PTPRD: variants seen among roughly 807,000 people sequenced by gnomAD.
PTPRD encodes protein tyrosine phosphatase receptor type D, also known as receptor-type tyrosine-protein phosphatase delta.
In PTPRD, 34 loss-of-function variants were observed where a neutral mutation model predicts 214.5. That is an observed-to-expected ratio of 0.16 (90% CI 0.12 to 0.21). PTPRD has a LOEUF of 0.21. Ranked by LOEUF, PTPRD falls within the 10% of genes least tolerant of loss-of-function variation. The pLI is 1.00. For synonymous variants in PTPRD, 1,128 were observed against 845.7 expected (o/e 1.33, Z -5.79); for missense variants, 2,545 against 2,398.7 (o/e 1.06, Z -1.27).
chr9:9,296,226 C>T (rs2134387725), intron 9 of PTPRD, among the ~76,000 whole-genome samples: 1 of 151,826 alleles, frequency 6.6e-6, no homozygotes, highest in African/African-American at 2.4e-5. Context: ...TATTACAGTT[C>T]AGGTTTATAT....
chr9:9,347,955 T>C (rs1030198592), intron 9 of PTPRD, among the ~76,000 whole-genome samples: 2 of 152,156 alleles, frequency 1.3e-5, no homozygotes, highest in African/African-American at 4.8e-5. Flanking sequence ...TCAGTAGCCA[T>C]TACTGCCTAT....
intron 3 of PTPRD, among the ~76,000 whole-genome samples, chr9:10,122,595 T>C (rs542914310): frequency 6.6e-6 from 1 of 152,274 alleles, no homozygotes; most frequent in South Asian, 2.1e-4. Context: ...CGTAAGTATA[T>C]CAATAAAAAC....
At chr9:8,636,974 G>T in intron 12 of PTPRD, 130 bp from the exon 13 acceptor site, 1 of 860,854 alleles carries the variant, frequency 1.2e-6, no homozygotes, top group Non-Finnish European at 1.7e-6. Context: ...ATGCACTATG[G>T]GATTACAAAA....
intron 11 of PTPRD, among the ~76,000 whole-genome samples, chr9:8,836,472 A>G (rs1266449115): frequency 1.3e-5 from 2 of 152,054 alleles, no homozygotes; most frequent in Non-Finnish European, 2.9e-5. Context: ...TATTCTAAGT[A>G]TACCAACAAA....
rs374370653 is a variant in PTPRD, at chr9:9,416,300, G to T, written c.-236-18818C>A. Reference sequence around the variant, plus strand: ...ATGGTTGGGTTTGAAATCTTTCCATGCAGTGTTATGAGTGGGTAAGTCTTG... The same window carrying T: ...ATGGTTGGGTTTGAAATCTTTCCATTCAGTGTTATGAGTGGGTAAGTCTTG... On this transcript the variant is annotated intron_variant, in intron 8 of 45. Coordinates refer to ENST00000381196, the MANE Select transcript of PTPRD (RefSeq NM_002839.4). 1.1e-4 allele frequency among the ~76,000 whole-genome samples: 16 copies of T among 152,278 alleles called. No individual in the cohort carries two copies. In the East Asian group the frequency reaches 2.7e-3, roughly 26 times the overall value.
At chr9:8,821,885 G>A (rs1408410720) in intron 11 of PTPRD, among the ~76,000 whole-genome samples, 1 of 152,032 alleles carries the variant, frequency 6.6e-6, no homozygotes, top group Non-Finnish European at 1.5e-5. Context: ...GGCTGGTATC[G>A]AACTCCTGAC....
At chr9:8,836,397 T>C (rs772609821) in intron 11 of PTPRD, among the ~76,000 whole-genome samples, 3 of 152,068 alleles carry the variant, frequency 2.0e-5, no homozygotes, top group Admixed American at 6.6e-5. Flanking sequence ...TCTTCTTGGA[T>C]TGTTTTCTCC....
chr9:8,526,474 A>C (rs1207928446), intron 17 of PTPRD, among the ~76,000 whole-genome samples, 153 bp downstream of exon 17: 1 of 152,022 alleles, frequency 6.6e-6, no homozygotes, highest in African/African-American at 2.4e-5. Context: ...TCACAATATG[A>C]GAGTCACTGA....
intron 2 of PTPRD, among the ~76,000 whole-genome samples, chr9:10,349,058 T>C (rs1367447975): frequency 6.6e-6 from 1 of 152,082 alleles, no homozygotes; most frequent in African/African-American, 2.4e-5. Context: ...GCATATCTGA[T>C]TGTTTCCTCT....
chr9:10,523,668 G>C (rs1205538256), intron 2 of PTPRD, among the ~76,000 whole-genome samples: 1 of 146,718 alleles, frequency 6.8e-6, no homozygotes, highest in Non-Finnish European at 1.5e-5. Context: ...AATAAAGAGA[G>C]AGAGAGAGAG....
intron 8 of PTPRD, among the ~76,000 whole-genome samples, chr9:9,541,785 G>C (rs1421521500): frequency 2.6e-5 from 4 of 151,818 alleles, no homozygotes; most frequent in Non-Finnish European, 4.4e-5. Context: ...GAGTAAGTCA[G>C]TGGTCTGGCT....
At chr9:8,913,627 C>T (rs908857987) in intron 11 of PTPRD, among the ~76,000 whole-genome samples, 2 of 151,996 alleles carry the variant, frequency 1.3e-5, no homozygotes, top group African/African-American at 2.4e-5. Context: ...TTTAGGAATG[C>T]GTTTTGCAAG....
intron 11 of PTPRD, among the ~76,000 whole-genome samples, chr9:8,815,830 G>C (rs987066588): frequency 6.6e-6 from 1 of 152,106 alleles, no homozygotes; most frequent in African/African-American, 2.4e-5. Context: ...ATGCAAACAT[G>C]CGGCTGATTA....
chr9:9,975,902 G>C (rs759725613), intron 4 of PTPRD, among the ~76,000 whole-genome samples: 4 of 152,156 alleles, frequency 2.6e-5, no homozygotes, highest in Non-Finnish European at 4.4e-5. Flanking sequence ...AGCATTATTT[G>C]GCATACAGTA....
chr9:9,067,018 G>C (rs1458585645), intron 10 of PTPRD, among the ~76,000 whole-genome samples: 2 of 152,180 alleles, frequency 1.3e-5, no homozygotes, highest in South Asian at 4.1e-4. Context: ...TGAGGTGGGC[G>C]GATCACCTGA....
intron 2 of PTPRD, among the ~76,000 whole-genome samples, chr9:10,448,885 T>C (rs1434534731): frequency 6.6e-6 from 1 of 152,064 alleles, no homozygotes; most frequent in African/African-American, 2.4e-5. Flanking sequence ...TACTAATATT[T>C]CATGCTTTTT....
chr9:9,961,878 A>C (rs919721210), intron 4 of PTPRD, among the ~76,000 whole-genome samples: 1 of 152,196 alleles, frequency 6.6e-6, no homozygotes, highest in African/African-American at 2.4e-5. Flanking sequence ...TATTTCCACT[A>C]GTGCTTTTAA....
chr9:9,958,022 G>C (rs2094074010), intron 4 of PTPRD, among the ~76,000 whole-genome samples: 1 of 140,558 alleles, frequency 7.1e-6, no homozygotes, highest in Non-Finnish European at 1.6e-5. Context: ...GTTCATTTGT[G>C]TATGTGTAAG....
chr9:8,411,610 A>T (rs895095732), intron 35 of PTPRD, among the ~76,000 whole-genome samples: 1 of 152,186 alleles, frequency 6.6e-6, no homozygotes, highest in Non-Finnish European at 1.5e-5. Flanking sequence ...AACACTATAC[A>T]TGGCTTTTTA....
Sources: allele counts gnomAD v4.1 joint callset (sites outside exome capture counted in the v4.1 genomes callset), GRCh38; gene constraint gnomAD v4.1.1; transcripts MANE v1.5; gene names NCBI Gene and HGNC (gene_info 2026-07-23, HGNC 2026-07-21).